Variants in RAB38 observed in about 807,000 individuals in gnomAD.
RAB38 encodes the protein RAB38, member RAS oncogene family.
A neutral mutation model predicts 18.4 loss-of-function variants in RAB38; 15 were observed. The observed-to-expected ratio is 0.82, with a 90% CI of 0.55 to 1.26. The LOEUF is 1.26. Among genes scored for constraint, RAB38 ranks in the 50% most tolerant of loss-of-function variants. RAB38 has a pLI of 0.00. For synonymous variants in RAB38, 101 were observed against 104.4 expected (o/e 0.97, Z 0.20); for missense variants, 294 against 267.4 (o/e 1.10, Z -0.69).
the RAB38 span, among the ~76,000 whole-genome samples, chr11:87,971,647 G>C: frequency 6.6e-6 from 1 of 152,140 alleles, no homozygotes; most frequent in South Asian, 2.1e-4. Context: ...TATAGATACA[G>C]AGTGAAAGGC....
At chr11:87,868,305 C>T in the RAB38 span, among the ~76,000 whole-genome samples, 1 of 151,662 alleles carries the variant, frequency 6.6e-6, no homozygotes, top group African/African-American at 2.4e-5. Context: ...CTTCCTCTCT[C>T]ACCATGTGAT....
chr11:87,836,259 G>A, the RAB38 span, among the ~76,000 whole-genome samples: 1 of 151,874 alleles, frequency 6.6e-6, no homozygotes, highest in African/African-American at 2.4e-5. Flanking sequence ...ACTAACTTTG[G>A]GTTTTGTAAA....
the RAB38 span, among the ~76,000 whole-genome samples, chr11:88,056,856 C>T: frequency 6.9e-6 from 1 of 144,742 alleles, no homozygotes; most frequent in African/African-American, 2.5e-5. Context: ...TACATACATA[C>T]ATACATAAAA....
chr11:88,154,113 G>T (rs1020787525), intron 1 of RAB38, among the ~76,000 whole-genome samples: 1 of 152,188 alleles, frequency 6.6e-6, no homozygotes, highest in South Asian at 2.1e-4. Context: ...AGCATGCCAA[G>T]GGAAAGCACT....
chr11:87,971,710 G>A, the RAB38 span, among the ~76,000 whole-genome samples: 22 of 152,122 alleles, frequency 1.4e-4, no homozygotes, highest in African/African-American at 4.1e-4. Context: ...ATATGGAGGA[G>A]TGAGTGTGGG....
chr11:88,073,563 A>G, the RAB38 span, among the ~76,000 whole-genome samples: 1 of 152,338 alleles, frequency 6.6e-6, no homozygotes, highest in South Asian at 2.1e-4. Context: ...CTAATAAAAA[A>G]CAAAACAAGC....
intron 1 of RAB38, among the ~76,000 whole-genome samples, chr11:88,157,842 A>C (rs565657072): frequency 6.6e-6 from 1 of 152,264 alleles, no homozygotes; most frequent in South Asian, 2.1e-4. Flanking sequence ...TTAACAGGAA[A>C]GTTTATGGTG....
chr11:87,939,287 T>TAC, the RAB38 span, among the ~76,000 whole-genome samples: 1 of 151,676 alleles, frequency 6.6e-6, no homozygotes, highest in Non-Finnish European at 1.5e-5. Flanking sequence ...CATTGATACA[T>TAC]ACACACACAC....
At chr11:87,815,901 C>G in the RAB38 span, 3 of 152,366 alleles carry the variant, frequency 2.0e-5, no homozygotes, top group Non-Finnish European at 2.9e-5. Context: ...ATTGAAGCAC[C>G]GTTAGCATGA....
the RAB38 span, among the ~76,000 whole-genome samples, chr11:87,921,324 C>T: frequency 2.6e-5 from 4 of 151,934 alleles, no homozygotes; most frequent in East Asian, 1.9e-4. Context: ...AGCTCCCAGT[C>T]GTTCAGCCAT....
the RAB38 span, among the ~76,000 whole-genome samples, chr11:87,872,400 A>G: frequency 6.6e-6 from 1 of 151,476 alleles, no homozygotes; most frequent in Non-Finnish European, 1.5e-5. Flanking sequence ...CACCATCAAC[A>G]TCCTGCACCT....
the RAB38 span, among the ~76,000 whole-genome samples, chr11:88,078,501 A>ATATGTGTGTGTGTGTGTGTG: frequency 0.013 from 1,886 of 148,776 alleles, 11 homozygotes; most frequent in East Asian, 0.047. Flanking sequence ...GTGTGTATAT[A>ATATGTGTGTGTGTGTGTGTG]TGTGTGTGTG....
rs551154044 is a variant in RAB38 at position 88,149,786 on chromosome 11, C to T, written c.372G>A (p.Leu124=). The change falls in exon 2 of 3, where the codon TTG becomes TTA. Residue 124 remains leucine (L), a synonymous_variant. Coordinates refer to ENST00000243662, the MANE Select transcript of RAB38 (RefSeq NM_022337.3). ...TCCCCTGGTCACATTTGTTGGCCAA[C>T]AAAACCACTGAAACCGGTTTGCCAT... The part of the protein sequence containing the change: ...LPNGKPVSVV[L]LANKCDQGKD... The T allele has an allele frequency of 6.2e-7, 1 of 1,614,178 alleles. No homozygotes were observed. The highest frequency in any genetic ancestry group is 1.3e-5 in the African/African-American group (1 of 75,042).
the RAB38 span, among the ~76,000 whole-genome samples, chr11:88,090,850 G>A: frequency 2.0e-5 from 3 of 151,944 alleles, no homozygotes; most frequent in Admixed American, 2.0e-4. Flanking sequence ...GCAGCCAATA[G>A]TGAACTCCAA....
the RAB38 span, among the ~76,000 whole-genome samples, chr11:88,046,662 T>C: frequency 6.6e-6 from 1 of 152,214 alleles, no homozygotes; most frequent in East Asian, 1.9e-4. Context: ...GCAGATCGTG[T>C]CTGACTGATC....
the RAB38 span, among the ~76,000 whole-genome samples, chr11:87,830,647 CTATT>C: frequency 3.3e-5 from 5 of 151,876 alleles, no homozygotes; most frequent in African/African-American, 9.7e-5. Context: ...ACATTGTACA[CTATT>C]TATTATATTG....
intron 2 of RAB38, among the ~76,000 whole-genome samples, chr11:88,140,067 T>C (rs1257549202): frequency 6.6e-6 from 1 of 152,196 alleles, no homozygotes; most frequent in Non-Finnish European, 1.5e-5. Context: ...CATAATTCGG[T>C]GCACAAGCTA....
chr11:87,938,913 T>G, the RAB38 span, among the ~76,000 whole-genome samples: 1 of 152,022 alleles, frequency 6.6e-6, no homozygotes, highest in Admixed American at 6.6e-5. Flanking sequence ...TCAATTGTAC[T>G]TAGTGGGATG....
chr11:87,868,578 GGAGAGAGAGA>G, the RAB38 span, among the ~76,000 whole-genome samples: 844 of 59,232 alleles, frequency 0.014, 5 homozygotes, highest in Middle Eastern at 0.031. Context: ...AAGGAGTGAG[GGAGAGAGAGA>G]GAGAGAGAGA....
Sources: gnomAD v4.1 joint callset for allele counts (sites outside exome capture counted in the v4.1 genomes callset) on GRCh38, gnomAD v4.1.1 for gene constraint, MANE v1.5 for transcripts, NCBI Gene and HGNC (gene_info 2026-07-23, HGNC 2026-07-21) for gene names.